Variants in COL11A1 observed in about 807,000 individuals in gnomAD.
COL11A1 encodes collagen alpha-1(XI) chain.
In COL11A1, 74 loss-of-function variants were observed where a neutral mutation model predicts 265.2. That is an observed-to-expected ratio of 0.28 (90% CI 0.23 to 0.34). COL11A1 has a LOEUF of 0.34. Among genes scored for constraint, COL11A1 ranks in the 10% least tolerant of loss-of-function variants. The pLI is 1.00. For synonymous variants in COL11A1, 816 were observed against 727.6 expected (o/e 1.12, Z -1.96); for missense variants, 2,165 against 2,263.6 (o/e 0.96, Z 0.88).
rs34228277 is a variant in COL11A1 at position 102,914,823 on chromosome 1, TA to T, written c.3817-13del. 43,128 of 1,251,110 alleles carry T rather than the reference TA, an allele frequency of 0.034. 906 individuals carry two copies. Among genetic ancestry groups the T allele is most frequent in the African/African-American group, 0.21 (13,830 of 66,822 alleles). 77.5% of individuals were successfully genotyped at this position (1,251,110 alleles called of 1,614,324 possible). A position where few individuals can be genotyped will look rare whatever the true frequency, so the allele number is the denominator to read the frequency against. The stretch of plus-strand genomic sequence containing the variant: ...TCTCCTTTGGGACCCTAAACAATGT[TA>T]AAAAAAAAAAAAGAAGAAGAAGGAA... On this transcript the variant is annotated splice_polypyrimidine_tract_variant and intron_variant, in intron 50 of 66. Transcript: ENST00000370096.
intron 48 of COL11A1, 47 bp from the exon 49 acceptor site, chr1:102,920,411 T>G (rs1365211314): frequency 2.7e-6 from 4 of 1,507,570 alleles, no homozygotes; most frequent in Non-Finnish European, 3.7e-6. Context: ...CTTATTAAAA[T>G]AATGCATTCG....
intron 37 of COL11A1, among the ~76,000 whole-genome samples, chr1:102,967,333 C>T (rs1009155236): frequency 5.4e-5 from 8 of 147,390 alleles, no homozygotes; most frequent in African/African-American, 2.0e-4. Context: ...CTCCGCCTCC[C>T]AGGTTCACGC....
chr1:102,888,572 C>A lies in COL11A1; in HGVS notation c.4608+5G>T. 1 of 1,612,196 alleles carries A rather than the reference C, an allele frequency of 6.2e-7. No homozygotes were observed. On this transcript the variant is annotated splice_donor_5th_base_variant and intron_variant, in intron 62 of 66. Transcript: ENST00000370096. Reference sequence around the variant, plus strand: ...AGAACATCACTCTTGTTAACATATACTTACTGGAGACCCAGGAGGCCCTGG... The same window carrying A: ...AGAACATCACTCTTGTTAACATATAATTACTGGAGACCCAGGAGGCCCTGG...
At chr1:102,999,169 C>A (rs903019809) in intron 24 of COL11A1, among the ~76,000 whole-genome samples, 1 of 151,920 alleles carries the variant, frequency 6.6e-6, no homozygotes, top group African/African-American at 2.4e-5. Context: ...TATCAGCAAG[C>A]CTAAATGCTG....
intron 4 of COL11A1, among the ~76,000 whole-genome samples, chr1:103,032,606 T>C (rs1005251940): frequency 6.6e-6 from 1 of 152,060 alleles, no homozygotes; most frequent in Non-Finnish European, 1.5e-5. Context: ...TAATTAGAAT[T>C]GAGTATAAGT....
At chr1:102,933,275 G>T (rs1186583814) in intron 46 of COL11A1, among the ~76,000 whole-genome samples, 1 of 126,928 alleles carries the variant, frequency 7.9e-6, no homozygotes, top group African/African-American at 2.9e-5. Flanking sequence ...TTTTTGGTGT[G>T]GATGTCCTTT....
At chr1:102,938,510 G>A (rs1044751712) in intron 44 of COL11A1, among the ~76,000 whole-genome samples, 2 of 152,018 alleles carry the variant, frequency 1.3e-5, no homozygotes, top group Non-Finnish European at 2.9e-5. Flanking sequence ...TTAAGAAGTA[G>A]GAACATGTTT....
chr1:102,986,080 A>G (rs923844215), intron 30 of COL11A1, among the ~76,000 whole-genome samples: 1 of 152,158 alleles, frequency 6.6e-6, no homozygotes, highest in Non-Finnish European at 1.5e-5. Flanking sequence ...TTTCTGAGAT[A>G]GAACGGTGGG....
At chr1:103,084,576 A>G (rs1248116529) in intron 1 of COL11A1, among the ~76,000 whole-genome samples, 2 of 148,470 alleles carry the variant, frequency 1.3e-5, no homozygotes, top group East Asian at 4.1e-4. Context: ...ACAGTACACT[A>G]CATGAAATAT....
chr1:103,039,656 A>T (rs938809185), intron 4 of COL11A1, among the ~76,000 whole-genome samples: 1 of 152,156 alleles, frequency 6.6e-6, no homozygotes, highest in Non-Finnish European at 1.5e-5. Context: ...AACTTTGAAA[A>T]AATAAGTTTC....
intron 6 of COL11A1, chr1:103,025,967 G>T: frequency 6.2e-7 from 1 of 1,607,250 alleles, no homozygotes. Context: ...AAAATGTGGT[G>T]AAAGATGGAA....
At chr1:102,884,200 A>C (rs1363340530) in intron 63 of COL11A1, among the ~76,000 whole-genome samples, 2 of 152,140 alleles carry the variant, frequency 1.3e-5, no homozygotes. Flanking sequence ...CCCTCGAGGC[A>C]AGTCATGGAA....
intron 54 of COL11A1, among the ~76,000 whole-genome samples, chr1:102,905,183 T>C (rs926848242): frequency 2.6e-4 from 33 of 124,606 alleles, no homozygotes; most frequent in African/African-American, 9.6e-4. Context: ...TGAGAACACA[T>C]GGACACAGGA....
At chr1:102,924,471 G>A (rs1373329001) in intron 46 of COL11A1, among the ~76,000 whole-genome samples, 1 of 151,956 alleles carries the variant, frequency 6.6e-6, no homozygotes, top group South Asian at 2.1e-4. Context: ...TACTTCAATT[G>A]TACATTTATA....
At chr1:102,886,687 T>C (rs1230021716) in intron 63 of COL11A1, 120 bp downstream of exon 63, 3 of 1,381,964 alleles carry the variant, frequency 2.2e-6, no homozygotes, top group Non-Finnish European at 3.1e-6. Context: ...AGATAATTAA[T>C]AACTGTTTCA....
At chr1:103,069,979 C>T (rs952534266) in intron 4 of COL11A1, among the ~76,000 whole-genome samples, 1 of 151,514 alleles carries the variant, frequency 6.6e-6, no homozygotes, top group African/African-American at 2.4e-5. Flanking sequence ...GTTAATGCCA[C>T]TTTGAAAAAT....
intron 18 of COL11A1, among the ~76,000 whole-genome samples, chr1:103,005,602 T>G (rs1292688598): frequency 6.6e-6 from 1 of 152,188 alleles, no homozygotes; most frequent in Non-Finnish European, 1.5e-5. Flanking sequence ...ATAAAGATTC[T>G]GATTCAATTT....
chr1:102,987,691 G>T lies in COL11A1; in HGVS notation c.2444C>A (p.Pro815His). The T allele has an allele frequency of 6.2e-7, 1 of 1,613,394 alleles. No homozygotes were observed. The highest frequency in any genetic ancestry group is 8.5e-7 in the Non-Finnish European group (1 of 1,179,704). ...TCCAGTTGGGCCTGCTCGACCTTTG[G>T]GTCCTTCAGGGCCATCTTCCCCTCT... Reference protein sequence around the residue: ...GPRGEDGPEGPKGRAGPTGDP... With the variant: ...GPRGEDGPEGHKGRAGPTGDP... Residue 815 changes from proline to histidine, a missense_variant, in exon 30 of 67, where the codon CCC becomes CAC. Coordinates refer to ENST00000370096, the MANE Select transcript of COL11A1 (RefSeq NM_001854.4).
At position 102,888,378 on chromosome 1, in the gene COL11A1, C is replaced by T. The variant is rs2615980; in HGVS notation, c.4608+199G>A. Reference sequence around the variant, plus strand: ...ACAAGACTATAATATACAATTAAGGCATTTATATTTGAAGAGTGAAATCAA... The same window carrying T: ...ACAAGACTATAATATACAATTAAGGTATTTATATTTGAAGAGTGAAATCAA... On this transcript the variant is annotated intron_variant, in intron 62 of 66. Coordinates refer to ENST00000370096, the MANE Select transcript of COL11A1 (RefSeq NM_001854.4). Among the ~76,000 whole-genome samples the T allele has an allele frequency of 0.59, 89,714 of 151,852 alleles. 29,332 individuals carry two copies. The highest frequency in any genetic ancestry group is 0.77 in the Middle Eastern group (223 of 290).
Sources: gnomAD v4.1 joint callset for allele counts (sites outside exome capture counted in the v4.1 genomes callset) on GRCh38, gnomAD v4.1.1 for gene constraint, MANE v1.5 for transcripts, NCBI Gene and HGNC (gene_info 2026-07-23, HGNC 2026-07-21) for gene names.